RPRD1A: variants seen among roughly 807,000 people sequenced by gnomAD.
The protein encoded by RPRD1A is regulation of nuclear pre-mRNA domain containing 1A, also known as regulation of nuclear pre-mRNA domain-containing protein 1A.
A neutral mutation model predicts 37.8 loss-of-function variants in RPRD1A; 9 were observed. The ratio of observed to expected loss-of-function variants is 0.24; its 90% CI spans 0.14 to 0.42. The LOEUF (loss-of-function observed/expected upper bound fraction) is 0.42, where lower values mean the gene tolerates loss of function less well. RPRD1A is among the 10% of genes least tolerant of loss of function. RPRD1A has a pLI of 1.00. For synonymous variants in RPRD1A, 138 were observed against 139.7 expected, an observed-to-expected ratio of 0.99 and a Z score of 0.08; for missense variants, 255 against 371.0, an observed-to-expected ratio of 0.69 and a Z score of 2.57.
chr18:36,035,671 A>G (rs1912136617), intron 1 of RPRD1A, among the ~76,000 whole-genome samples: 2 of 152,262 alleles, frequency 1.3e-5, no homozygotes, highest in Non-Finnish European at 2.9e-5. Flanking sequence ...CATTATTCAC[A>G]ATAGCCAAGA....
chr18:35,996,725 C>A (rs907917045), intron 6 of RPRD1A, among the ~76,000 whole-genome samples: 5 of 152,104 alleles, frequency 3.3e-5, no homozygotes, highest in Admixed American at 3.3e-4. Context: ...CACCTATAAT[C>A]CCAGCATTTT....
intron 1 of RPRD1A, among the ~76,000 whole-genome samples, chr18:36,065,482 GAA>G (rs750127150): frequency 1.3e-5 from 2 of 152,100 alleles, no homozygotes; most frequent in Admixed American, 6.5e-5. Flanking sequence ...TTTTTGTAAA[GAA>G]AAGGTTTCAC....
intron 6 of RPRD1A, among the ~76,000 whole-genome samples, chr18:36,003,860 A>G (rs886306238): frequency 1.5e-4 from 23 of 152,088 alleles, no homozygotes; most frequent in African/African-American, 5.3e-4. Flanking sequence ...GTGCAGCAGC[A>G]TAATCACAGC....
intron 6 of RPRD1A, among the ~76,000 whole-genome samples, chr18:36,011,457 T>C (rs1910174193): frequency 6.6e-6 from 1 of 152,144 alleles, no homozygotes; most frequent in South Asian, 2.1e-4. Flanking sequence ...TTTTTTTCTA[T>C]AATTAAAATA....
At chr18:36,030,950 A>C in intron 3 of RPRD1A, 41 bp downstream of exon 3, 1 of 1,597,814 alleles carries the variant, frequency 6.3e-7, no homozygotes, top group Non-Finnish European at 8.6e-7. Flanking sequence ...AATACATTTT[A>C]ATGAAGAGAT....
chr18:36,060,029 G>GA (rs1166201004), intron 1 of RPRD1A, among the ~76,000 whole-genome samples: 1 of 152,146 alleles, frequency 6.6e-6, no homozygotes, highest in Non-Finnish European at 1.5e-5. Context: ...CTCTGAAAGA[G>GA]AAACAAGTAA....
Position 36,008,577 on chromosome 18 carries a change from G to GTATATATATATATATATATATA in RPRD1A, c.790-15278_790-15277insTATATATATATATATATATATA, listed in dbSNP as rs141531156. Among the ~76,000 whole-genome samples the GTATATATATATATATATATATA allele has an allele frequency of 1.0e-3, 50 of 47,790 alleles. 5 individuals are homozygous for GTATATATATATATATATATATA. Among genetic ancestry groups the GTATATATATATATATATATATA allele is most frequent in the African/African-American group, 3.2e-3 (48 of 14,810 alleles). 31.4% of individuals were successfully genotyped at this position (47,790 alleles called of 152,430 possible). Reference sequence around the variant, plus strand: ...GGCGACACAGCAAGACCTTGTGTGTGTATATATATATATCTTTAAAAATCT... The same window carrying GTATATATATATATATATATATA: ...GGCGACACAGCAAGACCTTGTGTGTGTATATATATATATATATATATATATATATATATATCTTTAAAAATCT... On this transcript the variant is annotated intron_variant, in intron 6 of 6. Transcript: ENST00000399022.
At chr18:36,047,812 A>G (rs62101401) in intron 1 of RPRD1A, among the ~76,000 whole-genome samples, 8 of 152,252 alleles carry the variant, frequency 5.3e-5, no homozygotes, top group Non-Finnish European at 7.3e-5. Flanking sequence ...ATAACAATTA[A>G]GGAAATTGAG....
intron 4 of RPRD1A, 72 bp downstream of exon 4, chr18:36,030,736 A>G: frequency 1.1e-6 from 1 of 902,334 alleles, no homozygotes; most frequent in Admixed American, 2.4e-5. Context: ...CAGAAGTGAA[A>G]CGAAATTAAT....
At chr18:36,001,269 A>T (rs1909400273) in intron 6 of RPRD1A, among the ~76,000 whole-genome samples, 1 of 152,188 alleles carries the variant, frequency 6.6e-6, no homozygotes, top group Non-Finnish European at 1.5e-5. Context: ...GAGCAGAGAG[A>T]GTAAGCCAGG....
chr18:36,007,030 CTT>C (rs966201231), intron 6 of RPRD1A, among the ~76,000 whole-genome samples: 1 of 152,018 alleles, frequency 6.6e-6, no homozygotes, highest in Non-Finnish European at 1.5e-5. Context: ...TTTCTTCTGT[CTT>C]TTTTTTCTTT....
At position 36,062,323 on chromosome 18, in the gene RPRD1A, CAAAAAAAAA is replaced by C. The variant is rs752980996; in HGVS notation, c.151+4922_151+4930del. On this transcript the variant is annotated intron_variant, in intron 1 of 6. Coordinates refer to ENST00000399022, the MANE Select transcript of RPRD1A (RefSeq NM_018170.5). ...TGGGCGACAGAGCGAGACTCCGTCT[CAAAAAAAAA>C]AAAAAAAAAAAAAAAACATGTACCC... Among the ~76,000 whole-genome samples, 23 of 40,620 alleles carry C rather than the reference CAAAAAAAAA, an allele frequency of 5.7e-4. No individual in the cohort carries two copies. The South Asian group carries it at 0.019, about 33-fold the overall frequency. The allele number at this position is 40,620 out of a possible 152,430, so 26.6% of individuals were successfully genotyped here.
At chr18:36,050,190 C>T (rs1372398964) in intron 1 of RPRD1A, among the ~76,000 whole-genome samples, 1 of 151,760 alleles carries the variant, frequency 6.6e-6, no homozygotes, top group Non-Finnish European at 1.5e-5. Flanking sequence ...GTACTTAACG[C>T]CACCGAACTG....
At chr18:36,053,845 G>A (rs949092670) in intron 1 of RPRD1A, among the ~76,000 whole-genome samples, 5 of 152,082 alleles carry the variant, frequency 3.3e-5, no homozygotes, top group Non-Finnish European at 5.9e-5. Flanking sequence ...GGAAAAGGGA[G>A]ATGCTGCCAA....
rs375586040 is a variant in RPRD1A at position 35,999,651 on chromosome 18, AAG to A, written c.790-6353_790-6352del. ...TCCTACATAATTGTGACAAAAAAAA[AAG>A]AGAGAATTTCAACCACATCCATATG... On this transcript the variant is annotated intron_variant, in intron 6 of 6. Coordinates refer to ENST00000399022, the MANE Select transcript of RPRD1A (RefSeq NM_018170.5). Among the ~76,000 whole-genome samples, 72 of 152,078 alleles carry A rather than the reference AAG, an allele frequency of 4.7e-4. 1 individual carries two copies. Among genetic ancestry groups the A allele is most frequent in the African/African-American group, 1.5e-3 (62 of 41,368 alleles).
intron 6 of RPRD1A, among the ~76,000 whole-genome samples, chr18:36,010,024 T>TAA (rs1410588101): frequency 9.2e-5 from 14 of 152,344 alleles, no homozygotes; most frequent in Admixed American, 7.8e-4. Flanking sequence ...ATGTAAGATA[T>TAA]ATTTACATAC....
intron 6 of RPRD1A, among the ~76,000 whole-genome samples, chr18:36,015,450 T>C (rs1910487874): frequency 6.6e-6 from 1 of 152,014 alleles, no homozygotes; most frequent in African/African-American, 2.4e-5. Flanking sequence ...CGACATAAAA[T>C]AATCCACCCA....
rs996068461 is a variant in RPRD1A at position 36,048,684 on chromosome 18, A to G, written c.152-14847T>C. The stretch of plus-strand genomic sequence containing the variant: ...AAAAAAAACCTACAGCTAACATTAC[A>G]TCTAATGGAGAAAGATCGAATGTTG... On this transcript the variant is annotated intron_variant, in intron 1 of 6. Transcript: ENST00000399022. Among the ~76,000 whole-genome samples, 9 of 152,172 alleles carry G rather than the reference A, an allele frequency of 5.9e-5. No individual in the cohort carries two copies. In the East Asian group the frequency reaches 1.7e-3, roughly 29 times the overall value.
intron 1 of RPRD1A, among the ~76,000 whole-genome samples, chr18:36,039,205 C>T (rs560390181): frequency 5.9e-5 from 9 of 152,256 alleles, no homozygotes; most frequent in African/African-American, 2.2e-4. Flanking sequence ...AGGGGAGGGG[C>T]CTGGTGGGTG....
Sources: allele counts gnomAD v4.1 joint callset (sites outside exome capture counted in the v4.1 genomes callset), GRCh38; gene constraint gnomAD v4.1.1; transcripts MANE v1.5; gene names NCBI Gene and HGNC (gene_info 2026-07-23, HGNC 2026-07-21).